The following TACR3 variants were observed in gnomAD, a reference collection of about 807,000 sequenced individuals.
TACR3 encodes tachykinin receptor 3.
A neutral mutation model predicts 35.0 loss-of-function variants in TACR3; 34 were observed. The ratio of observed to expected loss-of-function variants is 0.97; its 90% CI spans 0.74 to 1.30. TACR3 has a LOEUF of 1.30. Among genes scored for constraint, TACR3 ranks in the 50% most tolerant of loss-of-function variants. The pLI is 0.00. For missense variants in TACR3, 558 were observed against 591.7 expected (o/e 0.94, Z 0.59); for synonymous variants, 233 against 221.1 (o/e 1.05, Z -0.48).
intron 1 of TACR3, among the ~76,000 whole-genome samples, chr4:103,672,334 T>A (rs1726075400): frequency 6.6e-6 from 1 of 152,170 alleles, no homozygotes; most frequent in African/African-American, 2.4e-5. Flanking sequence ...ATGGCAGCTA[T>A]TGCCTTACAA....
At chr4:103,611,743 C>G (rs1469426244) in intron 3 of TACR3, among the ~76,000 whole-genome samples, 1 of 152,024 alleles carries the variant, frequency 6.6e-6, no homozygotes, top group African/African-American at 2.4e-5. Context: ...TTTTGCCCCT[C>G]TAAAAGCTAC....
chr4:103,595,132 A>T (rs1478183370), intron 3 of TACR3, among the ~76,000 whole-genome samples: 2 of 152,196 alleles, frequency 1.3e-5, no homozygotes, highest in Non-Finnish European at 2.9e-5. Context: ...GAGCAATGAT[A>T]GATGTGCAGG....
intron 1 of TACR3, among the ~76,000 whole-genome samples, chr4:103,710,863 C>T (rs1722934701): frequency 6.6e-6 from 1 of 152,160 alleles, no homozygotes; most frequent in African/African-American, 2.4e-5. Flanking sequence ...ACTATAAACA[C>T]TTCTACGCAA....
At chr4:103,713,485 G>A (rs964647238) in intron 1 of TACR3, among the ~76,000 whole-genome samples, 1 of 104,150 alleles carries the variant, frequency 9.6e-6, no homozygotes, top group Non-Finnish European at 1.8e-5. Context: ...GGTGGGGGGA[G>A]GGGGGAGGGA....
At chr4:103,690,086 T>C (rs759067685) in intron 1 of TACR3, among the ~76,000 whole-genome samples, 3 of 151,840 alleles carry the variant, frequency 2.0e-5, no homozygotes, top group African/African-American at 4.8e-5. Flanking sequence ...AAAGAGAAAA[T>C]TGTCAACATG....
At chr4:103,601,819 T>A (rs533095465) in intron 3 of TACR3, among the ~76,000 whole-genome samples, 8 of 152,326 alleles carry the variant, frequency 5.3e-5, no homozygotes, top group African/African-American at 1.9e-4. Flanking sequence ...GCGCTTAACA[T>A]TTTTTCCTTC....
chr4:103,611,820 C>T (rs1270747021), intron 3 of TACR3, among the ~76,000 whole-genome samples: 1 of 152,188 alleles, frequency 6.6e-6, no homozygotes, highest in Admixed American at 6.5e-5. Flanking sequence ...CAGAGACAGA[C>T]ACTTATAAGT....
chr4:103,622,452 C>T (rs1724802987), intron 3 of TACR3, among the ~76,000 whole-genome samples: 1 of 152,158 alleles, frequency 6.6e-6, no homozygotes, highest in African/African-American at 2.4e-5. Context: ...CAGTGAAAGG[C>T]CAGGCACGGT....
chr4:103,653,764 C>T (rs1578244499), intron 3 of TACR3, among the ~76,000 whole-genome samples: 1 of 151,416 alleles, frequency 6.6e-6, no homozygotes, highest in Non-Finnish European at 1.5e-5. Context: ...ACAGGCAACC[C>T]ACAAAATGGG....
At chr4:103,596,366 A>T (rs11935445) in intron 3 of TACR3, among the ~76,000 whole-genome samples, 1 of 151,858 alleles carries the variant, frequency 6.6e-6, no homozygotes, top group African/African-American at 2.4e-5. Context: ...CAGTCCCACC[A>T]ACAGTGTAAA....
chr4:103,607,318 T>G (rs1724398873), intron 3 of TACR3, among the ~76,000 whole-genome samples: 1 of 152,240 alleles, frequency 6.6e-6, no homozygotes, highest in South Asian at 2.1e-4. Context: ...ATTTTGAAGG[T>G]ATCTTTTGAC....
intron 3 of TACR3, among the ~76,000 whole-genome samples, chr4:103,625,137 A>T (rs2110306557): frequency 6.6e-6 from 1 of 152,306 alleles, no homozygotes; most frequent in East Asian, 1.9e-4. Flanking sequence ...ATCCTCAGTA[A>T]ATTTACATTT....
chr4:103,708,185 G>T (rs1325605025), intron 1 of TACR3, among the ~76,000 whole-genome samples: 1 of 152,202 alleles, frequency 6.6e-6, no homozygotes, highest in Non-Finnish European at 1.5e-5. Context: ...TGAGATCTGA[G>T]CACGGACAGA....
At chr4:103,598,032 A>C (rs1201380848) in intron 3 of TACR3, among the ~76,000 whole-genome samples, 1 of 152,166 alleles carries the variant, frequency 6.6e-6, no homozygotes, top group Non-Finnish European at 1.5e-5. Context: ...CGCCACACCG[A>C]CTTCCACAGT....
chr4:103,665,796 T>C (rs1054228134), intron 1 of TACR3, among the ~76,000 whole-genome samples: 2 of 152,210 alleles, frequency 1.3e-5, no homozygotes, highest in African/African-American at 2.4e-5. Context: ...GTTACCAATC[T>C]GACTTTTAAA....
intron 1 of TACR3, among the ~76,000 whole-genome samples, chr4:103,692,267 G>A (rs538038383): frequency 6.6e-6 from 1 of 152,000 alleles, no homozygotes; most frequent in Non-Finnish European, 1.5e-5. Flanking sequence ...GAAAAGATTT[G>A]CTATATAAAT....
chr4:103,713,236 C>T (rs1424351708), intron 1 of TACR3, among the ~76,000 whole-genome samples: 1 of 151,898 alleles, frequency 6.6e-6, no homozygotes, highest in Non-Finnish European at 1.5e-5. Context: ...AAATGTCCAT[C>T]AATGATAGAC....
At chr4:103,606,647 C>T (rs1724374149) in intron 3 of TACR3, among the ~76,000 whole-genome samples, 1 of 152,024 alleles carries the variant, frequency 6.6e-6, no homozygotes, top group African/African-American at 2.4e-5. Context: ...TATAAGAATG[C>T]TTGTGATTTT....
chr4:103,705,822 T>C (rs1309842560), intron 1 of TACR3, among the ~76,000 whole-genome samples: 2 of 152,172 alleles, frequency 1.3e-5, no homozygotes, highest in African/African-American at 4.8e-5. Flanking sequence ...ATCTGAGTGG[T>C]TGAAACAGAG....
Sources: allele counts gnomAD v4.1 joint callset (sites outside exome capture counted in the v4.1 genomes callset), GRCh38; gene constraint gnomAD v4.1.1; transcripts MANE v1.5; gene names NCBI Gene and HGNC (gene_info 2026-07-23, HGNC 2026-07-21).